The following ASAP1 variants were observed in gnomAD, a reference collection of about 807,000 sequenced individuals.
ASAP1 encodes arf-GAP with SH3 domain, ANK repeat and PH domain-containing protein 1.
A neutral mutation model predicts 145.2 loss-of-function variants in ASAP1; 43 were observed. That is an observed-to-expected ratio of 0.30 (90% CI 0.23 to 0.38). ASAP1 has a LOEUF of 0.38. Among genes scored for constraint, ASAP1 ranks in the 10% least tolerant of loss-of-function variants. The pLI is 1.00. For missense variants in ASAP1, 1,018 were observed against 1,355.3 expected (o/e 0.75, Z 3.91); for synonymous variants, 546 against 515.5 (o/e 1.06, Z -0.80).
intron 3 of ASAP1, among the ~76,000 whole-genome samples, chr8:130,291,635 A>G (rs1289994556): frequency 6.6e-6 from 1 of 152,230 alleles, no homozygotes; most frequent in Non-Finnish European, 1.5e-5. Context: ...TTGACGAGTG[A>G]GTGAGAAAGT....
intron 14 of ASAP1, 120 bp downstream of exon 14, chr8:130,136,831 A>G (rs2097595932): frequency 1.2e-6 from 1 of 837,668 alleles, no homozygotes; most frequent in Non-Finnish European, 2.0e-6. Context: ...ACATGCAGGA[A>G]TAACTGTTCC....
chr8:130,141,593 C>T (rs2097611520), intron 13 of ASAP1, among the ~76,000 whole-genome samples: 1 of 152,206 alleles, frequency 6.6e-6, no homozygotes, highest in Non-Finnish European at 1.5e-5. Flanking sequence ...GTGCTTGGCA[C>T]ACATCGGGTA....
intron 3 of ASAP1, among the ~76,000 whole-genome samples, chr8:130,269,888 G>C (rs182133973): frequency 2.0e-5 from 3 of 152,210 alleles, no homozygotes; most frequent in Admixed American, 6.5e-5. Flanking sequence ...TTAAATATCA[G>C]GCCAGGCATG....
intron 5 of ASAP1, among the ~76,000 whole-genome samples, chr8:130,189,641 C>T (rs1289058404): frequency 1.3e-5 from 2 of 152,106 alleles, no homozygotes; most frequent in East Asian, 1.9e-4. Context: ...CTTGTTGATA[C>T]ACTGATTTCT....
At chr8:130,146,323 TACCTTCGTATATGCTAAG>T (rs1256527170) in intron 13 of ASAP1, among the ~76,000 whole-genome samples, 1 of 152,126 alleles carries the variant, frequency 6.6e-6, no homozygotes, top group African/African-American at 2.4e-5. Context: ...CCTTAGCATA[TACCTTCGTATATGCTAAG>T]ACCTCTGTAT....
intron 9 of ASAP1, among the ~76,000 whole-genome samples, chr8:130,174,436 G>C (rs1176124057): frequency 6.6e-6 from 1 of 152,058 alleles, no homozygotes; most frequent in Non-Finnish European, 1.5e-5. Context: ...AACATAACAA[G>C]ATCTTCAAAA....
At chr8:130,193,263 G>A (rs1008574238) in intron 5 of ASAP1, among the ~76,000 whole-genome samples, 2 of 152,028 alleles carry the variant, frequency 1.3e-5, no homozygotes, top group Non-Finnish European at 2.9e-5. Context: ...CAGCTACTTG[G>A]GAGGCTGAGA....
chr8:130,092,122 G>A lies in ASAP1; in HGVS notation c.2423C>T (p.Thr808Ile), dbSNP rs1258815061. 1 of 1,566,010 alleles carries A rather than the reference G, an allele frequency of 6.4e-7. No individual in the cohort carries two copies. Among genetic ancestry groups the A allele is most frequent in the Middle Eastern group, 1.7e-4 (1 of 5,912 alleles). Residue 808 changes from threonine to isoleucine, a missense_variant, in exon 25 of 30, where the codon ACA becomes ATA. Coordinates refer to ENST00000518721, the MANE Select transcript of ASAP1 (RefSeq NM_018482.4). ...AGKGPTGPPS[T>I]LPLSTQTSSG... Reference sequence around the variant, plus strand: ...AGAGGTCTGGGTGCTTAGAGGGAGTGTTGAAGGTGGGCCAGTTGGACCTAG... The same window carrying A: ...AGAGGTCTGGGTGCTTAGAGGGAGTATTGAAGGTGGGCCAGTTGGACCTAG...
At chr8:130,092,248 C>A (rs923522001) in intron 24 of ASAP1, 105 bp from the exon 25 acceptor site, 16 of 1,268,836 alleles carry the variant, frequency 1.3e-5, no homozygotes, top group Non-Finnish European at 1.6e-5. Flanking sequence ...GTATGACACA[C>A]AGAGACAAAA....
chr8:130,168,836 T>A (rs1248701878), intron 10 of ASAP1, among the ~76,000 whole-genome samples, 156 bp downstream of exon 10: 5 of 152,170 alleles, frequency 3.3e-5, no homozygotes, highest in Non-Finnish European at 7.3e-5. Context: ...ATCGATGACT[T>A]CTCTGACTTA....
chr8:130,087,165 G>C (rs2097495241), intron 25 of ASAP1, among the ~76,000 whole-genome samples: 1 of 152,150 alleles, frequency 6.6e-6, no homozygotes, highest in Admixed American at 6.5e-5. Context: ...CTGAATGTCA[G>C]AGGTGCCCCT....
intron 9 of ASAP1, among the ~76,000 whole-genome samples, chr8:130,170,087 AAAC>A (rs1813477457): frequency 6.6e-6 from 1 of 152,222 alleles, no homozygotes; most frequent in Non-Finnish European, 1.5e-5. Flanking sequence ...GTCTCCCTAC[AAAC>A]AACGAGGACC....
intron 2 of ASAP1, among the ~76,000 whole-genome samples, chr8:130,371,780 G>C (rs747249231): frequency 2.3e-4 from 35 of 152,234 alleles, no homozygotes; most frequent in Non-Finnish European, 4.6e-4. Flanking sequence ...GCACTGACTA[G>C]CTTTGAACTA....
intron 1 of ASAP1, 111 bp from the exon 2 acceptor site, chr8:130,402,081 G>A (rs1828822823): frequency 1.5e-6 from 1 of 661,878 alleles, no homozygotes; most frequent in South Asian, 2.1e-5. Flanking sequence ...CCTTTGTCAG[G>A]AATGTTCTTG....
At chr8:130,079,693 C>A (rs1478759728) in intron 26 of ASAP1, among the ~76,000 whole-genome samples, 1 of 151,896 alleles carries the variant, frequency 6.6e-6, no homozygotes, top group Non-Finnish European at 1.5e-5. Flanking sequence ...CGTTGCTGCT[C>A]AGAGAACGGT....
At chr8:130,203,324 C>A (rs927783148) in intron 5 of ASAP1, among the ~76,000 whole-genome samples, 1 of 152,204 alleles carries the variant, frequency 6.6e-6, no homozygotes, top group Admixed American at 6.5e-5. Context: ...TACGGCTGTG[C>A]AGGGTGTACA....
intron 5 of ASAP1, among the ~76,000 whole-genome samples, chr8:130,205,709 A>G (rs1162097670): frequency 6.6e-6 from 1 of 150,994 alleles, no homozygotes; most frequent in East Asian, 1.9e-4. Flanking sequence ...TTTATATATC[A>G]GACTTCATGT....
intron 5 of ASAP1, chr8:130,208,583 G>A (rs1338470450): frequency 6.6e-6 from 1 of 152,058 alleles, no homozygotes; most frequent in Non-Finnish European, 1.5e-5. Flanking sequence ...AAAGCTTACA[G>A]GGGTATAAAG....
chr8:130,400,094 A>G (rs1828715301), intron 2 of ASAP1, among the ~76,000 whole-genome samples: 1 of 152,160 alleles, frequency 6.6e-6, no homozygotes, highest in African/African-American at 2.4e-5. Context: ...TGCTGGGATT[A>G]CAGGCGTGAG....
Sources: gnomAD v4.1 joint callset for allele counts (sites outside exome capture counted in the v4.1 genomes callset) on GRCh38, gnomAD v4.1.1 for gene constraint, MANE v1.5 for transcripts, NCBI Gene and HGNC (gene_info 2026-07-23, HGNC 2026-07-21) for gene names.